The following RTL4 variants were observed in gnomAD, a reference collection of about 807,000 sequenced individuals.
RTL4 encodes retrotransposon Gag like 4, also known as retrotransposon Gag-like protein 4.
A neutral mutation model predicts 5.3 loss-of-function variants in RTL4; 4 were observed. The ratio of observed to expected loss-of-function variants is 0.75; its 90% CI spans 0.37 to 1.72. The LOEUF is 1.72. Among genes scored for constraint, RTL4 ranks in the 40% most tolerant of loss-of-function variants. RTL4 has a pLI of 0.04. For missense variants in RTL4, 260 were observed against 227.1 expected (o/e 1.14, Z -0.93); for synonymous variants, 98 against 87.3 (o/e 1.12, Z -0.68).
chrX:112,103,502 T>C, the RTL4 span, among the ~76,000 whole-genome samples: 1 of 110,371 alleles, frequency 9.1e-6, no homozygotes, highest in East Asian at 2.9e-4. Context: ...TGGGTTGATT[T>C]GTGCAGCAAA....
chrX:112,246,918 A>T, the RTL4 span, among the ~76,000 whole-genome samples: 1 of 112,145 alleles, frequency 8.9e-6, no homozygotes, highest in African/African-American at 3.2e-5. Flanking sequence ...TGGATGTAAG[A>T]TTTCTTTACT....
the RTL4 span, among the ~76,000 whole-genome samples, chrX:112,235,882 T>G: frequency 9.0e-6 from 1 of 111,682 alleles, no homozygotes; most frequent in East Asian, 2.8e-4. Context: ...CTCCCAAGAA[T>G]ACTCAGAGTA....
At chrX:112,180,098 C>T in the RTL4 span, among the ~76,000 whole-genome samples, 1 of 111,252 alleles carries the variant, frequency 9.0e-6, no homozygotes, top group Non-Finnish European at 1.9e-5. Context: ...TATATGCCAA[C>T]TGTGGTTTGC....
At chrX:112,341,798 G>C in the RTL4 span, among the ~76,000 whole-genome samples, 5 of 111,346 alleles carry the variant, frequency 4.5e-5, no homozygotes, top group African/African-American at 1.6e-4. Context: ...ACTGGAAGGG[G>C]AGAGCAATAG....
chrX:112,114,703 A>G, the RTL4 span, among the ~76,000 whole-genome samples: 1 of 110,902 alleles, frequency 9.0e-6, no homozygotes. Context: ...GGCAGGGGAG[A>G]TTAGAGGAGG....
chrX:112,161,414 G>A, the RTL4 span, among the ~76,000 whole-genome samples: 1 of 111,810 alleles, frequency 8.9e-6, no homozygotes, highest in East Asian at 2.8e-4. Context: ...CTGTTAACAT[G>A]TTACCATAAA....
At chrX:112,437,739 T>C in the RTL4 span, among the ~76,000 whole-genome samples, 1 of 103,989 alleles carries the variant, frequency 9.6e-6, no homozygotes, top group Non-Finnish European at 1.9e-5. Flanking sequence ...ATTTCAGATG[T>C]AAAAGAAATA....
chrX:112,379,253 G>A, the RTL4 span, among the ~76,000 whole-genome samples: 1 of 111,791 alleles, frequency 8.9e-6, no homozygotes, highest in South Asian at 3.8e-4. Context: ...ATGAAGTGCC[G>A]TCCTCCAGAA....
At chrX:112,179,173 G>A in the RTL4 span, among the ~76,000 whole-genome samples, 1 of 111,119 alleles carries the variant, frequency 9.0e-6, no homozygotes, top group South Asian at 3.8e-4. Context: ...ATTCCTGTGA[G>A]TTAGGCCTAG....
chrX:112,223,864 T>G, the RTL4 span, among the ~76,000 whole-genome samples: 1 of 112,158 alleles, frequency 8.9e-6, no homozygotes, highest in Non-Finnish European at 1.9e-5. Flanking sequence ...TGTAACCTAG[T>G]GCTCATTTTT....
chrX:112,356,582 GTGTGT>G, the RTL4 span, among the ~76,000 whole-genome samples: 4 of 71,792 alleles, frequency 5.6e-5, no homozygotes, highest in African/African-American at 1.8e-4. Flanking sequence ...GTTTTGGGGT[GTGTGT>G]GTGTGTGTGT....
the RTL4 span, among the ~76,000 whole-genome samples, chrX:112,393,161 GT>G: frequency 0.031 from 2,177 of 71,175 alleles, 40 homozygotes; most frequent in African/African-American, 0.095. Context: ...TTTTTTTTTT[GT>G]TTTTTTTTTT....
At chrX:112,203,663 T>A in the RTL4 span, among the ~76,000 whole-genome samples, 1 of 111,733 alleles carries the variant, frequency 8.9e-6, no homozygotes, top group South Asian at 3.8e-4. Flanking sequence ...TATATAGCTA[T>A]ATAGTAAGCC....
the RTL4 span, among the ~76,000 whole-genome samples, chrX:112,091,414 A>G: frequency 8.9e-6 from 1 of 111,825 alleles, no homozygotes; most frequent in Non-Finnish European, 1.9e-5. Context: ...TCACTGTATC[A>G]CATAAGTTTG....
At chrX:112,095,008 C>G in the RTL4 span, among the ~76,000 whole-genome samples, 1 of 110,798 alleles carries the variant, frequency 9.0e-6, no homozygotes, top group East Asian at 2.9e-4. Flanking sequence ...GATGAGAAAA[C>G]ATTTGATACG....
the RTL4 span, among the ~76,000 whole-genome samples, chrX:112,369,318 G>A: frequency 8.9e-6 from 1 of 111,804 alleles, no homozygotes; most frequent in Non-Finnish European, 1.9e-5. Flanking sequence ...TTCTCATTCT[G>A]TACTAAGAGA....
At chrX:112,319,113 C>T in the RTL4 span, among the ~76,000 whole-genome samples, 1 of 111,906 alleles carries the variant, frequency 8.9e-6, no homozygotes, top group African/African-American at 3.2e-5. Context: ...TTCCAAAAAA[C>T]TGACGTTGTA....
chrX:112,454,808 T>C (rs6568050), exon 1 of RTL4: 560,132 of 1,206,605 alleles, frequency 0.46, 91,101 homozygotes, highest in African/African-American at 0.79. Flanking sequence ...ATTCTGCGGC[T>C]TCAAATGCAG....
the RTL4 span, among the ~76,000 whole-genome samples, chrX:112,288,029 T>G: frequency 8.9e-6 from 1 of 111,809 alleles, no homozygotes; most frequent in African/African-American, 3.3e-5. Context: ...AGTGTGACTT[T>G]GGAACAAATG....
Sources: gnomAD v4.1 joint callset for allele counts (sites outside exome capture counted in the v4.1 genomes callset) on GRCh38, gnomAD v4.1.1 for gene constraint, MANE v1.5 for transcripts, NCBI Gene and HGNC (gene_info 2026-07-23, HGNC 2026-07-21) for gene names.